HLCS: variants seen among roughly 807,000 people sequenced by gnomAD.
HLCS encodes holocarboxylase synthetase.
Under a neutral mutation model 75.0 loss-of-function variants are expected in HLCS, and 53 were observed. That is an observed-to-expected ratio of 0.71 (90% CI 0.57 to 0.89). The LOEUF (loss-of-function observed/expected upper bound fraction) is 0.89. HLCS is among the 40% of genes least tolerant of loss of function. HLCS has a pLI of 0.00. For missense variants in HLCS, 966 were observed against 1,074.0 expected, an observed-to-expected ratio of 0.90 and a Z score of 1.41; for synonymous variants, 431 against 428.6, an observed-to-expected ratio of 1.01 and a Z score of -0.07.
chr21:36,839,755 A>G (rs1384749442), intron 6 of HLCS, among the ~76,000 whole-genome samples: 1 of 152,264 alleles, frequency 6.6e-6, no homozygotes, highest in Non-Finnish European at 1.5e-5. Flanking sequence ...GTCTTCAGAC[A>G]GAAGAACCTT....
intron 6 of HLCS, among the ~76,000 whole-genome samples, chr21:36,869,826 AC>A: frequency 1.3e-5 from 2 of 152,148 alleles, no homozygotes; most frequent in Admixed American, 1.3e-4. Flanking sequence ...AACAAATCCA[AC>A]CCCCCTACTT....
At chr21:36,846,560 C>G (rs994988673) in intron 6 of HLCS, among the ~76,000 whole-genome samples, 1 of 151,952 alleles carries the variant, frequency 6.6e-6, no homozygotes, top group African/African-American at 2.4e-5. Flanking sequence ...TTTGGCGAAA[C>G]AAAGAGTGGA....
At chr21:36,800,221 T>C (rs541747705) in intron 6 of HLCS, among the ~76,000 whole-genome samples, 2 of 152,298 alleles carry the variant, frequency 1.3e-5, no homozygotes, top group South Asian at 2.1e-4. Flanking sequence ...TACTTGTTGA[T>C]GCTGGCAGGG....
At position 36,936,559 on chromosome 21, in the gene HLCS, C is replaced by G. The variant is rs200629955; in HGVS notation, c.1327G>C (p.Val443Leu). 6.2e-7 allele frequency: 1 copy of G among 1,614,192 alleles called. No individual in the cohort carries two copies. Among genetic ancestry groups the G allele is most frequent in the Admixed American group, 1.7e-5 (1 of 60,032 alleles). The change falls in exon 4 of 11, where the codon GTC becomes CTC. Residue 443 changes from valine to leucine, a missense_variant. Physicochemically the swap from Val to Leu is conservative, Grantham distance 32 (BLOSUM62 1). Transcript: ENST00000674895. ...SSGCRYQEGPVRLSPGRLQGH... is the reference protein window; with the variant it reads ...SSGCRYQEGPLRLSPGRLQGH... ...TGGAGCCTGCCGGGGCTGAGCCGGA[C>G]GGGGCCTTCCTGGTACCTGCAGCCA... is the stretch of plus-strand genomic sequence containing the variant.
At chr21:36,912,761 C>A (rs948617817) in intron 5 of HLCS, among the ~76,000 whole-genome samples, 5 of 152,050 alleles carry the variant, frequency 3.3e-5, no homozygotes, top group Non-Finnish European at 5.9e-5. Context: ...ATTAGCCACC[C>A]CCCCCAACCC....
intron 6 of HLCS, among the ~76,000 whole-genome samples, chr21:36,776,624 G>A (rs993777406): frequency 5.7e-4 from 87 of 152,146 alleles, no homozygotes; most frequent in African/African-American, 2.0e-3. Flanking sequence ...CACGTTGGTT[G>A]GGCTGGTCTC....
intron 6 of HLCS, among the ~76,000 whole-genome samples, chr21:36,805,526 C>A (rs1406490623): frequency 2.0e-5 from 3 of 152,348 alleles, no homozygotes; most frequent in Admixed American, 6.5e-5. Flanking sequence ...GCAGGGCCAC[C>A]AGGGTACCTT....
At chr21:36,849,486 G>C (rs1368324773) in intron 6 of HLCS, among the ~76,000 whole-genome samples, 4 of 152,216 alleles carry the variant, frequency 2.6e-5, no homozygotes, top group African/African-American at 9.6e-5. Flanking sequence ...GGTAGAAAAG[G>C]AGCCCCTGGG....
chr21:36,958,488 C>A (rs184162447), intron 2 of HLCS, among the ~76,000 whole-genome samples: 4 of 152,262 alleles, frequency 2.6e-5, no homozygotes, highest in Non-Finnish European at 4.4e-5. Flanking sequence ...CACTTAGCAG[C>A]TGGTTAAAAC....
At chr21:36,929,586 G>A (rs2066546475) in intron 5 of HLCS, among the ~76,000 whole-genome samples, 1 of 152,182 alleles carries the variant, frequency 6.6e-6, no homozygotes, top group Non-Finnish European at 1.5e-5. Flanking sequence ...AAACTACATG[G>A]TTATGTCATT....
At chr21:36,887,584 T>C (rs1288424297) in intron 6 of HLCS, among the ~76,000 whole-genome samples, 2 of 152,206 alleles carry the variant, frequency 1.3e-5, no homozygotes, top group African/African-American at 2.4e-5. Context: ...AAAAATTTGA[T>C]GGAGAATTTG....
rs764148793 is a variant in HLCS at position 36,754,349 on chromosome 21, C to G, written c.2519G>C (p.Gly840Ala). The change falls in exon 11 of 11, where the codon GGC becomes GCC. Residue 840 changes from glycine to alanine, a missense_variant. Gly to Ala is a moderately conservative substitution (Grantham distance 60). Transcript: ENST00000674895. Reference protein sequence around the residue: ...KVSIVGLDDSGFLQVHQEGGE... With the variant: ...KVSIVGLDDSAFLQVHQEGGE... ...GCCCTCCTGGTGAACCTGGAGGAAGCCAGAATCGTCCAGGCCAACGATGGA... is the reference window on the plus strand; with the variant it reads ...GCCCTCCTGGTGAACCTGGAGGAAGGCAGAATCGTCCAGGCCAACGATGGA... The G allele has an allele frequency of 2.5e-6, 4 of 1,613,784 alleles. No homozygotes were observed. In the Admixed American group the frequency reaches 6.7e-5, roughly 27 times the overall value.
At chr21:36,790,221 T>TGGTGAAA (rs1207027910) in intron 6 of HLCS, among the ~76,000 whole-genome samples, 2 of 152,114 alleles carry the variant, frequency 1.3e-5, no homozygotes, top group East Asian at 3.9e-4. Flanking sequence ...CTAGCCAACA[T>TGGTGAAA]GGTGAAACCC....
Position 36,759,734 on chromosome 21 carries a change from T to C in HLCS, c.2229A>G (p.Ile743Met), listed in dbSNP as rs769344210. 4.5e-6 allele frequency: 7 copies of C among 1,570,166 alleles called. No homozygotes were observed. The highest frequency in any genetic ancestry group is 1.7e-4 in the Middle Eastern group (1 of 6,008). ...NSTLMGETFY[I>M]LIGCGFNVTN... ...AAGGTTTTTGAAACTTACCAATAAG[T>C]ATATAAAATGTTTCTCCCATGAGTG... The change falls in exon 9 of 11, where the codon ATA becomes ATG. Residue 743 changes from isoleucine (I) to methionine (M), a missense_variant. Physicochemically the swap from Ile to Met is conservative, Grantham distance 10. Transcript: ENST00000674895.
intron 6 of HLCS, among the ~76,000 whole-genome samples, chr21:36,836,676 A>G (rs1025289428): frequency 6.6e-6 from 1 of 151,874 alleles, no homozygotes; most frequent in African/African-American, 2.4e-5. Context: ...AGAAAAAAAC[A>G]AACAACCCCA....
intron 10 of HLCS, 124 bp downstream of exon 10, chr21:36,756,418 T>C: frequency 1.5e-6 from 1 of 648,320 alleles, no homozygotes; most frequent in South Asian, 1.7e-5. Context: ...GCCACTGCAC[T>C]CCAGCCTGGG....
At chr21:36,870,988 TGA>T (rs1285060417) in intron 6 of HLCS, among the ~76,000 whole-genome samples, 2 of 152,172 alleles carry the variant, frequency 1.3e-5, no homozygotes, top group African/African-American at 4.8e-5. Flanking sequence ...TATACATTAA[TGA>T]GAGTATTTTC....
chr21:36,962,018 A>G lies in HLCS; in HGVS notation c.330+18T>C, dbSNP rs2068322319. 1 of 1,285,728 alleles carries G rather than the reference A, an allele frequency of 7.8e-7. No homozygotes were observed. Among genetic ancestry groups the G allele is most frequent in the Non-Finnish European group, 1.0e-6 (1 of 986,062 alleles). 79.6% of individuals were successfully genotyped at this position (1,285,728 alleles called of 1,614,324 possible). On this transcript the variant is annotated intron_variant, in intron 2 of 10. Transcript: ENST00000674895. ...ACACATCAGTTCCTTATGGGACACAAGTAAACATGGTACTCACTGTTTCTG... is the reference window on the plus strand; with the variant it reads ...ACACATCAGTTCCTTATGGGACACAGGTAAACATGGTACTCACTGTTTCTG...
chr21:36,919,536 G>A (rs988889949), intron 5 of HLCS, among the ~76,000 whole-genome samples: 1 of 152,130 alleles, frequency 6.6e-6, no homozygotes, highest in East Asian at 1.9e-4. Context: ...CAGATAAGAC[G>A]GTTTCCCATG....
Sources: gnomAD v4.1 joint callset for allele counts (sites outside exome capture counted in the v4.1 genomes callset) on GRCh38, gnomAD v4.1.1 for gene constraint, MANE v1.5 for transcripts, NCBI Gene and HGNC (gene_info 2026-07-23, HGNC 2026-07-21) for gene names.